The following GALNT1 variants were observed in gnomAD, a reference collection of about 807,000 sequenced individuals.
GALNT1 encodes the protein polypeptide N-acetylgalactosaminyltransferase 1.
A neutral mutation model predicts 65.7 loss-of-function variants in GALNT1; 17 were observed. The observed-to-expected ratio is 0.26, with a 90% CI of 0.18 to 0.39. The LOEUF is 0.39. Ranked by LOEUF, GALNT1 falls within the 10% of genes least tolerant of loss-of-function variation. GALNT1 has a pLI of 1.00. For missense variants in GALNT1, 460 were observed against 672.8 expected (o/e 0.68, Z 3.50); for synonymous variants, 210 against 219.7 (o/e 0.96, Z 0.39).
rs185728260 is a variant in GALNT1, at chr18:35,635,112, G to A, written c.-103-19448G>A. 1.8e-4 allele frequency among the ~76,000 whole-genome samples: 28 copies of A among 152,302 alleles called. No individual in the cohort carries two copies. The East Asian group carries it at 3.1e-3, about 17-fold the overall frequency. ...GTACTCATGGCTCAAGTTTATTACAGCAAAGGATACAATGCAGGAAGAAGG... is the reference window on the plus strand; with the variant it reads ...GTACTCATGGCTCAAGTTTATTACAACAAAGGATACAATGCAGGAAGAAGG... On this transcript the variant is annotated intron_variant, in intron 1 of 11. Transcript: ENST00000269195.
chr18:35,666,076 C>T (rs1386676977), intron 3 of GALNT1, among the ~76,000 whole-genome samples: 2 of 152,042 alleles, frequency 1.3e-5, no homozygotes, highest in Non-Finnish European at 2.9e-5. Context: ...TGAAGTTACA[C>T]CTGATATGGC....
At chr18:35,709,482 A>C in intron 11 of GALNT1, 142 bp from the exon 12 acceptor site, 2 of 714,312 alleles carry the variant, frequency 2.8e-6, no homozygotes, top group Non-Finnish European at 4.5e-6. Flanking sequence ...CCATCCACCT[A>C]CCTACCTTTT....
At chr18:35,684,043 G>A (rs956191178) in intron 5 of GALNT1, among the ~76,000 whole-genome samples, 4 of 152,330 alleles carry the variant, frequency 2.6e-5, no homozygotes, top group South Asian at 2.1e-4. Flanking sequence ...TGTATGGAAA[G>A]CACCATAATC....
At chr18:35,633,807 C>A (rs1415878086) in intron 1 of GALNT1, among the ~76,000 whole-genome samples, 2 of 152,130 alleles carry the variant, frequency 1.3e-5, no homozygotes, top group East Asian at 3.8e-4. Context: ...AGCATAGTCC[C>A]AATACTAATT....
intron 7 of GALNT1, among the ~76,000 whole-genome samples, chr18:35,690,607 C>T (rs968262597): frequency 6.6e-6 from 1 of 152,104 alleles, no homozygotes; most frequent in Non-Finnish European, 1.5e-5. Flanking sequence ...TGTATTTAGC[C>T]TTTAACCTAT....
intron 3 of GALNT1, among the ~76,000 whole-genome samples, chr18:35,676,529 G>C (rs498563): frequency 0.36 from 54,421 of 152,052 alleles, 10,366 homozygotes; most frequent in Middle Eastern, 0.52. Context: ...AGCTTCAGAA[G>C]AGGAGTCTTG....
intron 11 of GALNT1, among the ~76,000 whole-genome samples, chr18:35,707,563 G>C (rs142704999): frequency 6.6e-6 from 1 of 152,350 alleles, no homozygotes; most frequent in East Asian, 1.9e-4. Context: ...AAGTTATGGG[G>C]ATTCTGTCCT....
intron 7 of GALNT1, among the ~76,000 whole-genome samples, chr18:35,690,324 G>C (rs2047939758): frequency 6.6e-6 from 1 of 152,060 alleles, no homozygotes; most frequent in Admixed American, 6.6e-5. Context: ...TCATGTACAA[G>C]CCGTGACGCA....
intron 1 of GALNT1, among the ~76,000 whole-genome samples, chr18:35,633,870 A>G (rs2047054827): frequency 6.6e-6 from 1 of 152,148 alleles, no homozygotes; most frequent in African/African-American, 2.4e-5. Context: ...CTAAATAAGG[A>G]CCAGTTTCAG....
At chr18:35,667,232 T>C (rs184652540) in intron 3 of GALNT1, among the ~76,000 whole-genome samples, 3 of 152,290 alleles carry the variant, frequency 2.0e-5, no homozygotes, top group African/African-American at 7.2e-5. Context: ...TGTTATCAAA[T>C]ATGCTGTGGC....
At chr18:35,678,613 T>TC (rs1210606424) in intron 4 of GALNT1, among the ~76,000 whole-genome samples, 2 of 152,306 alleles carry the variant, frequency 1.3e-5, no homozygotes, top group African/African-American at 4.8e-5. Context: ...ATCATTGGTG[T>TC]CATGTGTTCC....
At chr18:35,583,324 C>T (rs2046345511) in intron 1 of GALNT1, among the ~76,000 whole-genome samples, 1 of 152,194 alleles carries the variant, frequency 6.6e-6, no homozygotes, top group African/African-American at 2.4e-5. Flanking sequence ...CACTTTGAAA[C>T]CTGAGAAGCC....
At chr18:35,673,783 A>G (rs958085211) in intron 3 of GALNT1, among the ~76,000 whole-genome samples, 1 of 152,230 alleles carries the variant, frequency 6.6e-6, no homozygotes, top group East Asian at 1.9e-4. Flanking sequence ...AGTAAATACC[A>G]AGCGACTTCT....
chr18:35,600,502 G>A (rs959297433), intron 1 of GALNT1, among the ~76,000 whole-genome samples: 1 of 152,082 alleles, frequency 6.6e-6, no homozygotes, highest in Non-Finnish European at 1.5e-5. Context: ...CCAATTTGGA[G>A]GCCCTTTATG....
chr18:35,638,917 A>T (rs1425134857), intron 1 of GALNT1, among the ~76,000 whole-genome samples: 1 of 152,242 alleles, frequency 6.6e-6, no homozygotes, highest in East Asian at 1.9e-4. Context: ...GCCTGAAGAT[A>T]TGGCTGAATT....
In GALNT1 at chr18:35,655,080, A is replaced by G. The variant is rs190135107; in HGVS notation, c.139+279A>G. The stretch of plus-strand genomic sequence containing the variant: ...CTTTATGTTACTAAATAATGTGGGT[A>G]TCTCATAGTTGGGATATCAAAATTG... On this transcript the variant is annotated intron_variant, in intron 2 of 11. Transcript: ENST00000269195. Among the ~76,000 whole-genome samples, 477 of 152,220 alleles carry G rather than the reference A, an allele frequency of 3.1e-3. 3 individuals are homozygous for G. Among genetic ancestry groups the G allele is most frequent in the African/African-American group, 0.011 (449 of 41,546 alleles).
chr18:35,636,844 A>G (rs545022625), intron 1 of GALNT1, among the ~76,000 whole-genome samples: 1 of 149,608 alleles, frequency 6.7e-6, no homozygotes, highest in East Asian at 2.0e-4. Context: ...CCTACACTGA[A>G]AAAGTCCATA....
chr18:35,699,841 A>T (rs911566135), intron 9 of GALNT1, among the ~76,000 whole-genome samples: 1 of 152,228 alleles, frequency 6.6e-6, no homozygotes, highest in Non-Finnish European at 1.5e-5. Flanking sequence ...TATAAACTTG[A>T]AACAAGTATG....
At chr18:35,682,695 T>C (rs1352553126) in intron 4 of GALNT1, among the ~76,000 whole-genome samples, 1 of 152,130 alleles carries the variant, frequency 6.6e-6, no homozygotes, top group African/African-American at 2.4e-5. Flanking sequence ...TAACCTCTTA[T>C]CTGAACTCTC....
Sources: allele counts gnomAD v4.1 joint callset (sites outside exome capture counted in the v4.1 genomes callset), GRCh38; gene constraint gnomAD v4.1.1; transcripts MANE v1.5; gene names NCBI Gene and HGNC (gene_info 2026-07-23, HGNC 2026-07-21).